The following LRBA variants were observed in gnomAD, a reference collection of about 807,000 sequenced individuals.
The protein encoded by LRBA is LPS responsive beige-like anchor protein.
Under a neutral mutation model 330.0 loss-of-function variants are expected in LRBA, and 176 were observed. The observed-to-expected ratio is 0.53, with a 90% CI of 0.47 to 0.60. The LOEUF (loss-of-function observed/expected upper bound fraction) is 0.60. Among genes scored for constraint, LRBA ranks in the 20% least tolerant of loss-of-function variants. The probability of loss-of-function intolerance (pLI) is 0.00; values close to 1 mark genes in which losing one functional copy is unlikely to be tolerated. For synonymous variants in LRBA, 1,230 were observed against 1,193.0 expected (o/e 1.03, Z -0.64); for missense variants, 3,259 against 3,444.8 (o/e 0.95, Z 1.35).
At chr4:150,812,430 G>A (rs1167934590) in intron 31 of LRBA, among the ~76,000 whole-genome samples, 2 of 152,180 alleles carry the variant, frequency 1.3e-5, no homozygotes, top group East Asian at 1.9e-4. Flanking sequence ...GGTCCCTGCG[G>A]GTCTAAATAA....
At chr4:150,412,057 TTGAA>T (rs1747091122) in intron 47 of LRBA, among the ~76,000 whole-genome samples, 1 of 152,174 alleles carries the variant, frequency 6.6e-6, no homozygotes. Context: ...AATAAATATT[TTGAA>T]TGAATGAATG....
intron 40 of LRBA, among the ~76,000 whole-genome samples, chr4:150,537,253 C>G (rs1388505097): frequency 6.6e-6 from 1 of 152,094 alleles, no homozygotes; most frequent in Non-Finnish European, 1.5e-5. Flanking sequence ...ATAAATAGTG[C>G]CGGTATAACT....
At chr4:150,455,887 T>C (rs962413807) in intron 44 of LRBA, among the ~76,000 whole-genome samples, 7 of 152,116 alleles carry the variant, frequency 4.6e-5, no homozygotes, top group Non-Finnish European at 8.8e-5. Context: ...TGGTTTTGAT[T>C]TTTAGATCCT....
intron 47 of LRBA, among the ~76,000 whole-genome samples, chr4:150,391,861 C>T (rs1743990212): frequency 6.6e-6 from 1 of 151,006 alleles, no homozygotes; most frequent in Admixed American, 6.6e-5. Flanking sequence ...TTTCAGCTCA[C>T]ACCCTTCTAA....
At chr4:150,899,258 A>T (rs560620843) in intron 14 of LRBA, among the ~76,000 whole-genome samples, 8 of 152,164 alleles carry the variant, frequency 5.3e-5, no homozygotes, top group Non-Finnish European at 1.0e-4. Flanking sequence ...ATGCTCTTAC[A>T]CTGAATTTAA....
chr4:150,530,555 T>C (rs1304849872), intron 40 of LRBA, among the ~76,000 whole-genome samples: 1 of 152,188 alleles, frequency 6.6e-6, no homozygotes, highest in Non-Finnish European at 1.5e-5. Context: ...GGGATAATTA[T>C]GTGTTATATT....
intron 47 of LRBA, among the ~76,000 whole-genome samples, chr4:150,410,721 C>A (rs919930009): frequency 2.6e-5 from 4 of 152,226 alleles, no homozygotes; most frequent in African/African-American, 9.6e-5. Flanking sequence ...CATAAGCAAG[C>A]ACCCAATAAA....
chr4:150,325,657 A>T (rs1733143116), intron 49 of LRBA, 152 bp downstream of exon 49: 2 of 611,812 alleles, frequency 3.3e-6, no homozygotes, highest in African/African-American at 1.8e-5. Context: ...CAATGCAATA[A>T]CATCTGCTGG....
chr4:150,831,535 A>G (rs1169645599), intron 29 of LRBA, among the ~76,000 whole-genome samples: 1 of 152,206 alleles, frequency 6.6e-6, no homozygotes, highest in Non-Finnish European at 1.5e-5. Flanking sequence ...TGAGTTAGTG[A>G]TTCTTCACAG....
intron 37 of LRBA, among the ~76,000 whole-genome samples, chr4:150,663,190 G>A (rs958729510): frequency 3.3e-5 from 5 of 152,144 alleles, no homozygotes; most frequent in African/African-American, 1.2e-4. Context: ...AATAAGTCAC[G>A]GTTAATGAGA....
chr4:150,814,020 T>C (rs546529552), intron 31 of LRBA, among the ~76,000 whole-genome samples: 1 of 152,068 alleles, frequency 6.6e-6, no homozygotes, highest in Non-Finnish European at 1.5e-5. Flanking sequence ...AGAGCCTATT[T>C]TATAAGAAGG....
At chr4:150,883,197 A>C (rs1001446471) in intron 17 of LRBA, among the ~76,000 whole-genome samples, 1 of 152,164 alleles carries the variant, frequency 6.6e-6, no homozygotes, top group Non-Finnish European at 1.5e-5. Context: ...GTGGTGGCTC[A>C]CGCATGTAAT....
chr4:150,459,370 T>G (rs950135114), intron 44 of LRBA, among the ~76,000 whole-genome samples: 1 of 151,896 alleles, frequency 6.6e-6, no homozygotes, highest in Admixed American at 6.6e-5. Context: ...GATTTTGGAA[T>G]GAAGCAGATA....
chr4:150,474,371 A>T (rs1308743410), intron 42 of LRBA, among the ~76,000 whole-genome samples: 1 of 152,212 alleles, frequency 6.6e-6, no homozygotes, highest in Non-Finnish European at 1.5e-5. Context: ...ACTGAGTACA[A>T]TGAAAATGAG....
chr4:150,826,670 G>A (rs1456901626), intron 30 of LRBA, among the ~76,000 whole-genome samples: 4 of 152,208 alleles, frequency 2.6e-5, no homozygotes, highest in Non-Finnish European at 4.4e-5. Context: ...ACCACCCAGA[G>A]CTTCATGAGT....
chr4:150,805,295 A>AAAGGAG, intron 33 of LRBA, among the ~76,000 whole-genome samples: 1 of 99,606 alleles, frequency 1.0e-5, no homozygotes. Context: ...GAAGGAAAGG[A>AAAGGAG]AAGGAAAGGA....
At chr4:150,702,291 T>G (rs780507206) in intron 36 of LRBA, among the ~76,000 whole-genome samples, 7 of 152,186 alleles carry the variant, frequency 4.6e-5, no homozygotes, top group Non-Finnish European at 8.8e-5. Flanking sequence ...GTCATTTAAC[T>G]AATCTTTACA....
At position 150,850,711 on chromosome 4, in the gene LRBA, C is replaced by T. The variant is rs758038872; in HGVS notation, c.4004+13G>A. 2 of 1,565,894 alleles carry T rather than the reference C, an allele frequency of 1.3e-6. No individual in the cohort carries two copies. Among genetic ancestry groups the T allele is most frequent in the South Asian group, 2.3e-5 (2 of 87,990 alleles). On this transcript the variant is annotated intron_variant, in intron 24 of 56. Coordinates refer to ENST00000651943, the MANE Select transcript of LRBA (RefSeq NM_001364905.1). ...GTTTATACACATCTTCCATAATAAA[C>T]ATATAGACAAACCTTCTCCACATCT...
At chr4:150,834,836 T>C (rs1175838514) in intron 28 of LRBA, among the ~76,000 whole-genome samples, 2 of 152,188 alleles carry the variant, frequency 1.3e-5, no homozygotes, top group African/African-American at 4.8e-5. Flanking sequence ...GTTTTGGCTT[T>C]TGTTGCCATT....
Sources: allele counts gnomAD v4.1 joint callset (sites outside exome capture counted in the v4.1 genomes callset), GRCh38; gene constraint gnomAD v4.1.1; transcripts MANE v1.5; gene names NCBI Gene and HGNC (gene_info 2026-07-23, HGNC 2026-07-21).